Variants in CD38 observed in about 807,000 individuals in gnomAD.
CD38 encodes CD38 molecule.
Under a neutral mutation model 36.3 loss-of-function variants are expected in CD38, and 31 were observed. That is an observed-to-expected ratio of 0.85 (90% CI 0.64 to 1.15). The LOEUF (loss-of-function observed/expected upper bound fraction) is 1.15, where lower values mean the gene tolerates loss of function less well. CD38 is among the 50% of genes most tolerant of loss of function. CD38 has a pLI of 0.00. For missense variants in CD38, 380 were observed against 371.9 expected, an observed-to-expected ratio of 1.02 and a Z score of -0.18; for synonymous variants, 131 against 135.2, an observed-to-expected ratio of 0.97 and a Z score of 0.22.
intron 1 of CD38, among the ~76,000 whole-genome samples, chr4:15,781,386 G>A (rs1260565438): frequency 6.6e-6 from 1 of 152,154 alleles, no homozygotes; most frequent in African/African-American, 2.4e-5. Flanking sequence ...AGTAGTAAGG[G>A]TCTCCAGAGA....
chr4:15,840,541 A>T lies in CD38; in HGVS notation c.839+3A>T. 6.6e-6 allele frequency: 10 copies of T among 1,507,150 alleles called. No homozygotes were observed. In the South Asian group the frequency reaches 9.3e-5, roughly 14 times the overall value. The allele number at this position is 1,507,150 out of a possible 1,614,324, so 93.4% of individuals were successfully genotyped here. A position where few individuals can be genotyped will look rare whatever the true frequency, so the allele number is the denominator to read the frequency against. ...TTTTCCTGCAAGAATATCTACAGGT[A>T]ATTAATTTCTTCTTGAAGAAAAAAA... On this transcript the variant is annotated splice_donor_region_variant and intron_variant, in intron 7 of 7. Coordinates refer to ENST00000226279, the MANE Select transcript of CD38 (RefSeq NM_001775.4).
rs1291015089 is a variant in CD38 at position 15,848,759 on chromosome 4, A to AAT, written c.*159_*160dup. 1.5e-5 allele frequency: 8 copies of AAT among 546,584 alleles called. No individual in the cohort carries two copies. In the South Asian group the frequency reaches 2.0e-4, roughly 13 times the overall value. The allele number at this position is 546,584 out of a possible 1,614,324, so 33.9% of individuals were successfully genotyped here. On this transcript the variant is annotated 3_prime_UTR_variant, in exon 8 of 8. Transcript: ENST00000226279. ...GAAGCCTTTTTCCCCAAAGTCTTAA[A>AAT]ATAACTTATATCATCAGCATACCTT...
intron 1 of CD38, among the ~76,000 whole-genome samples, chr4:15,813,107 T>C (rs1723506763): frequency 6.6e-6 from 1 of 152,214 alleles, no homozygotes; most frequent in African/African-American, 2.4e-5. Context: ...TGGATGAGTT[T>C]AGTTTATTTT....
chr4:15,836,490 G>A (rs1724072392), intron 4 of CD38, among the ~76,000 whole-genome samples: 1 of 152,178 alleles, frequency 6.6e-6, no homozygotes, highest in South Asian at 2.1e-4. Context: ...TCTGTGACAA[G>A]CCTTGAAGTA....
chr4:15,790,299 C>T (rs1722937655), intron 1 of CD38, among the ~76,000 whole-genome samples: 2 of 152,090 alleles, frequency 1.3e-5, no homozygotes, highest in South Asian at 4.2e-4. Context: ...TCTCCTGCCT[C>T]AGCCTGCCGA....
chr4:15,779,742 A>G (rs558225097), intron 1 of CD38, among the ~76,000 whole-genome samples: 1 of 152,156 alleles, frequency 6.6e-6, no homozygotes, highest in Non-Finnish European at 1.5e-5. Flanking sequence ...TCCAGGCTGT[A>G]TTGTAAAGTA....
chr4:15,820,483 G>C lies in CD38; in HGVS notation c.363+3843G>C, dbSNP rs193285538. ...AGACACACATAGGCTCAAAATAAGG[G>C]ATGGAGGAATATTTACCAAGCAAAT... is the stretch of plus-strand genomic sequence containing the variant. On this transcript the variant is annotated intron_variant, in intron 2 of 7. Coordinates refer to ENST00000226279, the MANE Select transcript of CD38 (RefSeq NM_001775.4). Among the ~76,000 whole-genome samples the C allele has an allele frequency of 3.9e-5, 6 of 152,254 alleles. No individual in the cohort carries two copies. The East Asian group carries it at 1.2e-3, about 29-fold the overall frequency.
Position 15,778,758 on chromosome 4 carries a change from C to G in CD38, c.233+111C>G. The G allele has an allele frequency of 1.3e-6, 1 of 749,928 alleles. No individual in the cohort carries two copies. Among genetic ancestry groups the G allele is most frequent in the Non-Finnish European group, 2.2e-6 (1 of 461,672 alleles). 46.5% of individuals were successfully genotyped at this position (749,928 alleles called of 1,614,324 possible). A position where few individuals can be genotyped will look rare whatever the true frequency, so the allele number is the denominator to read the frequency against. ...CCGGGCATCTTCCGTGGCGGGTCAG[C>G]CGAGAGCCCGCCGGGTGGTGCTGAG... On this transcript the variant is annotated intron_variant, in intron 1 of 7. Transcript: ENST00000226279. This position sits in a 1 kb window ranked among gnomAD's most constrained non-coding sequence, Gnocchi z 4.9.
In CD38 at chr4:15,848,523, T is replaced by C. The variant is rs1357592956; in HGVS notation, c.840-16T>C. On this transcript the variant is annotated splice_polypyrimidine_tract_variant and intron_variant, in intron 7 of 7. Coordinates refer to ENST00000226279, the MANE Select transcript of CD38 (RefSeq NM_001775.4). ...CCTACGGTCTCTTGATTTCCTTTTT[T>C]GCTTTCTTGTCATAGACCTGACAAG... 8 of 1,607,190 alleles carry C rather than the reference T, an allele frequency of 5.0e-6. No homozygotes were observed. The highest frequency in any genetic ancestry group is 6.0e-6 in the Non-Finnish European group (7 of 1,173,882).
rs1002730973 is a variant in CD38 at position 15,852,890 on chromosome 4, G to A, written c.*4288G>A. On this transcript the variant is annotated 3_prime_UTR_variant, in exon 8 of 8. Coordinates refer to ENST00000226279, the MANE Select transcript of CD38 (RefSeq NM_001775.4). ...AGTGGCGCGATCTCGGCTCACTGCA[G>A]GCTCCACCCCCTGGGGTTCACGCCA... 1 of 150,412 alleles carries A rather than the reference G, an allele frequency of 6.6e-6. No homozygotes were observed. Among genetic ancestry groups the A allele is most frequent in the African/African-American group, 2.5e-5 (1 of 40,674 alleles). 9.3% of individuals were successfully genotyped at this position (150,412 alleles called of 1,614,324 possible).
At chr4:15,796,957 G>A (rs1577639469) in intron 1 of CD38, among the ~76,000 whole-genome samples, 1 of 152,124 alleles carries the variant, frequency 6.6e-6, no homozygotes, top group African/African-American at 2.4e-5. Context: ...GTATACATAC[G>A]TGGATGTGTG....
chr4:15,780,995 C>A (rs1003499598), intron 1 of CD38, among the ~76,000 whole-genome samples: 1 of 152,174 alleles, frequency 6.6e-6, no homozygotes, highest in Non-Finnish European at 1.5e-5. Context: ...GTAATCCCAG[C>A]TACTCTGGAG....
At chr4:15,810,163 AT>A (rs1483387662) in intron 1 of CD38, among the ~76,000 whole-genome samples, 1 of 152,202 alleles carries the variant, frequency 6.6e-6, no homozygotes, top group African/African-American at 2.4e-5. Flanking sequence ...ATTCTGTTAA[AT>A]TTGTAACCTG....
chr4:15,806,612 G>A (rs1184328794), intron 1 of CD38, among the ~76,000 whole-genome samples: 1 of 152,136 alleles, frequency 6.6e-6, no homozygotes, highest in African/African-American at 2.4e-5. Flanking sequence ...TGAGCACCTG[G>A]AGTCAATCCA....
intron 3 of CD38, chr4:15,825,260 A>G (rs1437386129): frequency 1.9e-5 from 8 of 418,896 alleles, no homozygotes; most frequent in East Asian, 1.2e-4. Context: ...GGGTACCAGC[A>G]TCCACTTCGG....
intron 1 of CD38, among the ~76,000 whole-genome samples, chr4:15,783,933 A>C (rs537233522): frequency 6.6e-6 from 1 of 152,176 alleles, no homozygotes; most frequent in East Asian, 1.9e-4. Flanking sequence ...GCAAACACTT[A>C]GCAAAGACTT....
rs1723338107 is a variant in CD38 at position 15,806,235 on chromosome 4, CTG to C, written c.234-10273_234-10272del. ...ACTTTACCCCAGCACTGGGGAATAACTGTGCCCTATTCTGGTCCTGACCCTTT... is the reference window on the plus strand; with the variant it reads ...ACTTTACCCCAGCACTGGGGAATAACTGCCCTATTCTGGTCCTGACCCTTT... On this transcript the variant is annotated intron_variant, in intron 1 of 7. Transcript: ENST00000226279. Among the ~76,000 whole-genome samples, 3 of 152,202 alleles carry C rather than the reference CTG, an allele frequency of 2.0e-5. No individual in the cohort carries two copies. In the South Asian group the frequency reaches 6.2e-4, roughly 31 times the overall value.
At chr4:15,805,077 G>GT (rs1429960399) in intron 1 of CD38, among the ~76,000 whole-genome samples, 3 of 151,928 alleles carry the variant, frequency 2.0e-5, no homozygotes, top group East Asian at 1.9e-4. Flanking sequence ...AGAAAAATTA[G>GT]TTTTTTTGAT....
At chr4:15,847,804 A>T (rs1423732336) in intron 7 of CD38, among the ~76,000 whole-genome samples, 1 of 152,172 alleles carries the variant, frequency 6.6e-6, no homozygotes, top group Non-Finnish European at 1.5e-5. Flanking sequence ...GAAGACCTTT[A>T]TATTATAATT....
Sources: allele counts gnomAD v4.1 joint callset (sites outside exome capture counted in the v4.1 genomes callset), GRCh38; gene constraint gnomAD v4.1.1; non-coding constraint Gnocchi (gnomAD v3.1); transcripts MANE v1.5; gene names NCBI Gene and HGNC (gene_info 2026-07-23, HGNC 2026-07-21).